Variants in SORBS2 observed in about 807,000 individuals in gnomAD.
SORBS2 encodes sorbin and SH3 domain-containing protein 2.
In SORBS2, 46 loss-of-function variants were observed where a neutral mutation model predicts 97.7. The observed-to-expected ratio is 0.47, with a 90% CI of 0.37 to 0.60. The LOEUF (loss-of-function observed/expected upper bound fraction) is 0.60. Among genes scored for constraint, SORBS2 ranks in the 20% least tolerant of loss-of-function variants. SORBS2 has a pLI of 0.00. For missense variants in SORBS2, 1,316 were observed against 1,282.3 expected, an observed-to-expected ratio of 1.03 and a Z score of -0.40; for synonymous variants, 476 against 473.4, an observed-to-expected ratio of 1.01 and a Z score of -0.07.
At chr4:185,925,330 C>T (rs2099263074) in intron 1 of SORBS2, among the ~76,000 whole-genome samples, 1 of 152,008 alleles carries the variant, frequency 6.6e-6, no homozygotes, top group South Asian at 2.1e-4. Flanking sequence ...GAGTCCTAGC[C>T]CTAGAGGCAG....
chr4:185,793,608 T>C (rs551252467), intron 1 of SORBS2, among the ~76,000 whole-genome samples: 6 of 152,322 alleles, frequency 3.9e-5, no homozygotes, highest in African/African-American at 1.4e-4. Flanking sequence ...TGTGTATTTT[T>C]TTATTTTTGA....
chr4:185,823,488 T>G (rs1207301807), intron 1 of SORBS2, among the ~76,000 whole-genome samples: 1 of 142,818 alleles, frequency 7.0e-6, no homozygotes, highest in East Asian at 2.1e-4. Flanking sequence ...TATGTATAAA[T>G]TTTCTTTTGT....
At chr4:185,954,930 C>A (rs2099278914) in intron 1 of SORBS2, among the ~76,000 whole-genome samples, 1 of 152,050 alleles carries the variant, frequency 6.6e-6, no homozygotes, top group Non-Finnish European at 1.5e-5. Context: ...CCAGCCTGGC[C>A]AACATGAGTA....
At chr4:185,875,590 T>C (rs1252320684) in intron 1 of SORBS2, among the ~76,000 whole-genome samples, 1 of 152,220 alleles carries the variant, frequency 6.6e-6, no homozygotes, top group Non-Finnish European at 1.5e-5. Flanking sequence ...AATCTATGAC[T>C]AAATTTTCTC....
At chr4:185,797,190 A>C (rs925709163) in intron 1 of SORBS2, among the ~76,000 whole-genome samples, 1 of 152,182 alleles carries the variant, frequency 6.6e-6, no homozygotes, top group Non-Finnish European at 1.5e-5. Context: ...TTTGGCAGAC[A>C]CTGTTTCAGA....
chr4:185,886,058 C>T (rs1291647176), intron 1 of SORBS2, among the ~76,000 whole-genome samples: 1 of 152,148 alleles, frequency 6.6e-6, no homozygotes, highest in Non-Finnish European at 1.5e-5. Context: ...CAAGTATTCA[C>T]AAGCAAATAC....
chr4:185,739,272 G>T (rs1333091421), intron 2 of SORBS2, among the ~76,000 whole-genome samples: 3 of 152,078 alleles, frequency 2.0e-5, no homozygotes, highest in Non-Finnish European at 2.9e-5. Flanking sequence ...GAAATATAGG[G>T]CAAAACAAAA....
At chr4:185,832,940 A>C (rs1023787225) in intron 1 of SORBS2, among the ~76,000 whole-genome samples, 1 of 152,168 alleles carries the variant, frequency 6.6e-6, no homozygotes, top group Non-Finnish European at 1.5e-5. Flanking sequence ...TTTGAAACTT[A>C]TGTTTACATC....
intron 1 of SORBS2, chr4:185,811,234 A>G (rs927157899): frequency 6.6e-6 from 1 of 152,192 alleles, no homozygotes; most frequent in Non-Finnish European, 1.5e-5. Flanking sequence ...CTGTGTTAAG[A>G]GTTAAATAAA....
intron 4 of SORBS2, among the ~76,000 whole-genome samples, chr4:185,644,838 T>C (rs1443815401): frequency 6.6e-6 from 1 of 152,118 alleles, no homozygotes; most frequent in Non-Finnish European, 1.5e-5. Flanking sequence ...AATGTGACAA[T>C]TTCAATAACA....
chr4:185,773,221 A>C (rs949695037), intron 2 of SORBS2: 1 of 152,184 alleles, frequency 6.6e-6, no homozygotes, highest in Non-Finnish European at 1.5e-5. Flanking sequence ...GCTTCCCAGT[A>C]CTAAGGGAGA....
chr4:185,758,494 C>A lies in SORBS2; in HGVS notation c.-198+16733G>T, dbSNP rs967051757. Among the ~76,000 whole-genome samples, 3 of 152,274 alleles carry A rather than the reference C, an allele frequency of 2.0e-5. No homozygotes were observed. In the South Asian group the frequency reaches 6.2e-4, roughly 32 times the overall value. ...GTTTTTAGCCTTGAAGTTTCTTAGC[C>A]TTTTTGTCCTCTTTCTGCACTCACT... is the stretch of plus-strand genomic sequence containing the variant. On this transcript the variant is annotated intron_variant, in intron 2 of 20. Transcript: ENST00000284776.
intron 2 of SORBS2, among the ~76,000 whole-genome samples, chr4:185,689,929 A>G (rs1271092453): frequency 6.6e-6 from 1 of 152,250 alleles, no homozygotes; most frequent in Non-Finnish European, 1.5e-5. Flanking sequence ...GGTGGGGGGA[A>G]GGCAAAATTA....
chr4:185,948,369 C>T (rs774024538), intron 1 of SORBS2, among the ~76,000 whole-genome samples: 2 of 152,112 alleles, frequency 1.3e-5, no homozygotes, highest in Non-Finnish European at 2.9e-5. Flanking sequence ...ATACATTAGC[C>T]CTCCCAATTT....
chr4:185,715,442 T>C (rs2098457958), intron 2 of SORBS2, among the ~76,000 whole-genome samples: 2 of 151,842 alleles, frequency 1.3e-5, no homozygotes, highest in South Asian at 2.1e-4. Context: ...AAAAATAAAA[T>C]AAATATTTAG....
intron 1 of SORBS2, among the ~76,000 whole-genome samples, chr4:185,866,469 T>C (rs1377203212): frequency 2.0e-5 from 3 of 152,252 alleles, no homozygotes; most frequent in African/African-American, 7.2e-5. Context: ...TTAATGCACA[T>C]TCAATTTTGT....
intron 4 of SORBS2, among the ~76,000 whole-genome samples, chr4:185,669,309 G>GT (rs2097671201): frequency 6.6e-6 from 1 of 152,208 alleles, no homozygotes; most frequent in African/African-American, 2.4e-5. Flanking sequence ...CGGAAGTCAT[G>GT]TTCCCCCTCA....
chr4:185,952,641 C>T (rs186619638), intron 1 of SORBS2, among the ~76,000 whole-genome samples: 14 of 152,300 alleles, frequency 9.2e-5, no homozygotes, highest in Admixed American at 5.9e-4. Context: ...ATTATTCCTG[C>T]TCAGAGGCTG....
chr4:185,827,069 C>CCAT (rs144017246), intron 1 of SORBS2, among the ~76,000 whole-genome samples: 88,461 of 141,458 alleles, frequency 0.63, 27,223 homozygotes, highest in Admixed American at 0.68. Context: ...ATCATCATCA[C>CCAT]CATCATCATC....
Sources: gnomAD v4.1 joint callset for allele counts (sites outside exome capture counted in the v4.1 genomes callset) on GRCh38, gnomAD v4.1.1 for gene constraint, MANE v1.5 for transcripts, NCBI Gene and HGNC (gene_info 2026-07-23, HGNC 2026-07-21) for gene names.